The following CFAP52 variants were observed in gnomAD, a reference collection of about 807,000 sequenced individuals.
The protein encoded by CFAP52 is cilia- and flagella-associated protein 52.
In CFAP52, 57 loss-of-function variants were observed where a neutral mutation model predicts 70.5. The observed-to-expected ratio is 0.81, with a 90% confidence interval of 0.65 to 1.01. The LOEUF is 1.01. Ranked by LOEUF, CFAP52 falls within the 50% of genes least tolerant of loss-of-function variation. The probability of loss-of-function intolerance (pLI) is 0.00; values close to 1 mark genes in which losing one functional copy is unlikely to be tolerated. For missense variants in CFAP52, 785 were observed against 788.5 expected, an observed-to-expected ratio of 1.00 and a Z score of 0.05; for synonymous variants, 267 against 292.5, an observed-to-expected ratio of 0.91 and a Z score of 0.89.
In CFAP52 at chr17:9,628,679, G is replaced by A. The variant is rs1394252786; in HGVS notation, c.1033G>A (p.Ala345Thr). 1.2e-6 allele frequency: 2 copies of A among 1,613,782 alleles called. No homozygotes were observed. Among genetic ancestry groups the A allele is most frequent in the Admixed American group, 1.7e-5 (1 of 59,994 alleles). The change falls in exon 9 of 14, where the codon GCT (alanine) becomes ACT (threonine). Residue 345 changes from alanine to threonine, a missense_variant. Transcript: ENST00000352665. ...VEDIVFPFGT[A>T]ELFATCAKKD... ...TTGATGGCTTCCTTGCAGTGGCACT[G>A]CTGAGCTATTTGCAACCTGTGCCAA...
At chr17:9,590,992 C>T (rs1908723205) in intron 3 of CFAP52, among the ~76,000 whole-genome samples, 1 of 145,612 alleles carries the variant, frequency 6.9e-6, no homozygotes, top group African/African-American at 2.5e-5. Flanking sequence ...AAAAGGGAAG[C>T]TGCCAATTAT....
At chr17:9,608,814 C>T (rs1334348247) in intron 7 of CFAP52, among the ~76,000 whole-genome samples, 1 of 152,142 alleles carries the variant, frequency 6.6e-6, no homozygotes, top group African/African-American at 2.4e-5. Context: ...GTATTAGATA[C>T]TATTAATAAA....
At chr17:9,607,533 C>T (rs1275527659) in intron 6 of CFAP52, among the ~76,000 whole-genome samples, 2 of 152,194 alleles carry the variant, frequency 1.3e-5, no homozygotes, top group Non-Finnish European at 2.9e-5. Context: ...ATGTTTCCCA[C>T]TCTTATGTAG....
intron 11 of CFAP52, among the ~76,000 whole-genome samples, chr17:9,637,056 C>T (rs1002472976): frequency 6.6e-6 from 1 of 151,768 alleles, no homozygotes; most frequent in Non-Finnish European, 1.5e-5. Context: ...AAAAAGCAAA[C>T]AAACAAACAA....
chr17:9,595,279 T>C (rs138342063), intron 4 of CFAP52, among the ~76,000 whole-genome samples: 13 of 152,300 alleles, frequency 8.5e-5, no homozygotes, highest in African/African-American at 3.1e-4. Flanking sequence ...CTTGGAAAGG[T>C]ACACATGGTT....
chr17:9,613,675 G>A (rs1257653550), intron 8 of CFAP52, among the ~76,000 whole-genome samples: 1 of 151,910 alleles, frequency 6.6e-6, no homozygotes, highest in Non-Finnish European at 1.5e-5. Flanking sequence ...GCACCACCAC[G>A]CCCGGCTAAT....
In CFAP52 at chr17:9,586,034, C is replaced by T. The variant is rs558788029; in HGVS notation, c.270+62C>T. 2.1e-5 allele frequency: 32 copies of T among 1,538,906 alleles called. No individual in the cohort carries two copies. In the Middle Eastern group the frequency reaches 6.5e-4, roughly 31 times the overall value. ...TAGAGGTGCCTCCCTAGAAGAACTG[C>T]CCCACTTCAAGTTGTTAGTTCTATG... On this transcript the variant is annotated intron_variant, in intron 2 of 13. Transcript: ENST00000352665.
chr17:9,632,688 T>C (rs1597794497), intron 9 of CFAP52, among the ~76,000 whole-genome samples, 200 bp from the exon 10 acceptor site: 1 of 152,176 alleles, frequency 6.6e-6, no homozygotes, highest in Non-Finnish European at 1.5e-5. Context: ...ACTCAGGCTG[T>C]TGGCTTAGGC....
chr17:9,625,259 G>C (rs1230134167), intron 8 of CFAP52, among the ~76,000 whole-genome samples: 1 of 151,210 alleles, frequency 6.6e-6, no homozygotes, highest in Non-Finnish European at 1.5e-5. Context: ...TCTTCCTCTT[G>C]GTATTCCCCC....
At chr17:9,579,507 A>T (rs1215235468) in intron 1 of CFAP52, among the ~76,000 whole-genome samples, 1 of 152,176 alleles carries the variant, frequency 6.6e-6, no homozygotes, top group Non-Finnish European at 1.5e-5. Flanking sequence ...CAAATTAGAA[A>T]CAAAAGCAAG....
chr17:9,628,051 T>C (rs750347246), intron 8 of CFAP52, among the ~76,000 whole-genome samples: 18 of 151,906 alleles, frequency 1.2e-4, no homozygotes, highest in Non-Finnish European at 1.9e-4. Context: ...AGTAGTTTTA[T>C]AGAAAAGACA....
intron 8 of CFAP52, among the ~76,000 whole-genome samples, chr17:9,623,161 T>C (rs1597788791): frequency 6.6e-6 from 1 of 152,210 alleles, no homozygotes; most frequent in East Asian, 1.9e-4. Flanking sequence ...ATCTTTTTGC[T>C]GTATTGACAT....
rs183765653 is a variant in CFAP52, at chr17:9,607,926, C to T, written c.754-193C>T. Among the ~76,000 whole-genome samples the T allele has an allele frequency of 1.7e-4, 26 of 152,286 alleles. No individual in the cohort carries two copies. The East Asian group carries it at 4.2e-3, about 25-fold the overall frequency. On this transcript the variant is annotated intron_variant, in intron 6 of 13. Transcript: ENST00000352665. Reference sequence around the variant, plus strand: ...ATGAACATCCTCCAGGCAATGTGTGCAGCACTGGCATGACTTTGGCCATCT... The same window carrying T: ...ATGAACATCCTCCAGGCAATGTGTGTAGCACTGGCATGACTTTGGCCATCT...
At chr17:9,585,136 G>A (rs901024419) in intron 1 of CFAP52, among the ~76,000 whole-genome samples, 1 of 152,140 alleles carries the variant, frequency 6.6e-6, no homozygotes, top group African/African-American at 2.4e-5. Context: ...GTGCTTTTTA[G>A]GATTACGAGA....
chr17:9,583,196 T>C (rs1422604944), intron 1 of CFAP52, among the ~76,000 whole-genome samples: 1 of 152,152 alleles, frequency 6.6e-6, no homozygotes, highest in Non-Finnish European at 1.5e-5. Context: ...AAAAAATTTT[T>C]AGTAGGAATA....
At chr17:9,630,995 A>AAAG in intron 9 of CFAP52, among the ~76,000 whole-genome samples, 2 of 46,416 alleles carry the variant, frequency 4.3e-5, no homozygotes, top group African/African-American at 1.8e-4. Flanking sequence ...CAAAAAAAAG[A>AAAG]AAGAAAGAAA....
chr17:9,593,822 G>A (rs767894196), intron 3 of CFAP52, among the ~76,000 whole-genome samples: 11 of 152,026 alleles, frequency 7.2e-5, no homozygotes, highest in Non-Finnish European at 1.2e-4. Flanking sequence ...AGAATTACCC[G>A]GACATGGTGG....
At chr17:9,594,531 A>G in intron 4 of CFAP52, 1 of 521,374 alleles carries the variant, frequency 1.9e-6, no homozygotes, top group Middle Eastern at 6.2e-4. Flanking sequence ...TTGCTGCTGA[A>G]AAGATTTTGC....
At chr17:9,604,359 A>T (rs967790893) in intron 6 of CFAP52, among the ~76,000 whole-genome samples, 3 of 152,196 alleles carry the variant, frequency 2.0e-5, no homozygotes, top group African/African-American at 7.2e-5. Context: ...GAGAGGAAAT[A>T]TTGGCAAAAG....
Sources: allele counts gnomAD v4.1 joint callset (sites outside exome capture counted in the v4.1 genomes callset), GRCh38; gene constraint gnomAD v4.1.1; transcripts MANE v1.5; gene names NCBI Gene and HGNC (gene_info 2026-07-23, HGNC 2026-07-21).